SLC25A42: variants seen among roughly 807,000 people sequenced by gnomAD.
SLC25A42 encodes mitochondrial coenzyme A transporter SLC25A42.
A neutral mutation model predicts 34.7 loss-of-function variants in SLC25A42; 19 were observed. That is an observed-to-expected ratio of 0.55 (90% CI 0.38 to 0.80). The LOEUF (loss-of-function observed/expected upper bound fraction) is 0.80, where lower values mean the gene tolerates loss of function less well. SLC25A42 is among the 30% of genes least tolerant of loss of function. The pLI is 0.00. For missense variants in SLC25A42, 364 were observed against 441.3 expected, an observed-to-expected ratio of 0.82 and a Z score of 1.57; for synonymous variants, 205 against 191.2, an observed-to-expected ratio of 1.07 and a Z score of -0.59.
rs1205766270 is a variant in SLC25A42 at position 19,098,625 on chromosome 19, G to A, written c.81+2420G>A. Among the ~76,000 whole-genome samples, 5 of 152,010 alleles carry A rather than the reference G, an allele frequency of 3.3e-5. No individual in the cohort carries two copies. In the South Asian group the frequency reaches 6.2e-4, roughly 19 times the overall value. ...AACAACACAGAGTTGGCTTTGTAACGTTAAGAGCCTTGGCTGGGCCCGCTG... is the reference window on the plus strand; with the variant it reads ...AACAACACAGAGTTGGCTTTGTAACATTAAGAGCCTTGGCTGGGCCCGCTG... On this transcript the variant is annotated intron_variant, in intron 2 of 7. Coordinates refer to ENST00000318596, the MANE Select transcript of SLC25A42 (RefSeq NM_178526.5).
chr19:19,092,837 A>G (rs1381400671), intron 1 of SLC25A42, among the ~76,000 whole-genome samples: 1 of 152,170 alleles, frequency 6.6e-6, no homozygotes, highest in Non-Finnish European at 1.5e-5. Context: ...GTGCAAGGAC[A>G]GCCCCCAGGG....
rs144556718 is a variant in SLC25A42, at chr19:19,084,702, A to C, written c.-34-11389A>C. The stretch of plus-strand genomic sequence containing the variant: ...TTGACAGAGGCCCCTGGCTGAACCC[A>C]CCTTACCCAAGAGGTCCAGGTGCAG... On this transcript the variant is annotated intron_variant, in intron 1 of 7. Transcript: ENST00000318596. Among the ~76,000 whole-genome samples, 53 of 152,086 alleles carry C rather than the reference A, an allele frequency of 3.5e-4. No homozygotes were observed. In the East Asian group the frequency reaches 0.01, roughly 29 times the overall value.
chr19:19,067,445 G>A (rs146368665), intron 1 of SLC25A42, among the ~76,000 whole-genome samples: 14 of 152,202 alleles, frequency 9.2e-5, no homozygotes, highest in African/African-American at 2.6e-4. Context: ...TTAGCCGGGC[G>A]TGGTGGCGTG....
intron 1 of SLC25A42, among the ~76,000 whole-genome samples, chr19:19,090,504 A>G (rs1454217166): frequency 6.6e-6 from 1 of 152,114 alleles, no homozygotes; most frequent in Non-Finnish European, 1.5e-5. Context: ...TGAAGATTAG[A>G]GTCATGGGCA....
intron 1 of SLC25A42, among the ~76,000 whole-genome samples, chr19:19,064,920 C>T (rs1247743276): frequency 6.6e-6 from 1 of 152,156 alleles, no homozygotes; most frequent in African/African-American, 2.4e-5. Flanking sequence ...AAAGTGATTT[C>T]CGGACCTTAG....
At chr19:19,079,479 G>A (rs7250131) in intron 1 of SLC25A42, among the ~76,000 whole-genome samples, 1 of 151,984 alleles carries the variant, frequency 6.6e-6, no homozygotes, top group Non-Finnish European at 1.5e-5. Flanking sequence ...GGATTTACCT[G>A]TTCTGGGCAT....
intron 6 of SLC25A42, 86 bp downstream of exon 6, chr19:19,106,471 GC>G: frequency 1.8e-6 from 2 of 1,142,644 alleles, no homozygotes; most frequent in Non-Finnish European, 1.2e-6. Flanking sequence ...TCTCTATCGG[GC>G]CCCAGGGGTT....
Position 19,110,190 on chromosome 19 carries a change from TACA to T in SLC25A42, c.650-375_650-373del, listed in dbSNP as rs1392958205. ...GGAGAAACCCTGTCTCTACTAAAAA[TACA>T]ACATTAGCCAGGCGTGGTGGTGCAT... On this transcript the variant is annotated intron_variant, in intron 7 of 7. Transcript: ENST00000318596. Among the ~76,000 whole-genome samples, 9 of 152,132 alleles carry T rather than the reference TACA, an allele frequency of 5.9e-5. No individual in the cohort carries two copies. In the East Asian group the frequency reaches 9.7e-4, roughly 16 times the overall value.
intron 1 of SLC25A42, among the ~76,000 whole-genome samples, chr19:19,093,928 A>G (rs1218341602): frequency 6.6e-6 from 1 of 152,212 alleles, no homozygotes; most frequent in African/African-American, 2.4e-5. Context: ...TGCCCGCCTC[A>G]GCCTCCCAAA....
At position 19,110,618 on chromosome 19, in the gene SLC25A42, C is replaced by T; in HGVS notation, c.699C>T (p.Gly233=). The T allele has an allele frequency of 1.3e-6, 2 of 1,508,718 alleles. No individual in the cohort carries two copies. Among genetic ancestry groups the T allele is most frequent in the South Asian group, 1.3e-5 (1 of 78,838 alleles). 93.5% of individuals were successfully genotyped at this position (1,508,718 alleles called of 1,614,324 possible). The change falls in exon 8 of 8, where the codon GGC becomes GGT. Residue 233 remains glycine, a synonymous_variant. Coordinates refer to ENST00000318596, the MANE Select transcript of SLC25A42 (RefSeq NM_178526.5). The part of the protein sequence containing the change: ...QPYPFERMIF[G]ACAGLIGQSA... ...ACCCCTTCGAGCGCATGATCTTCGGCGCCTGCGCTGGCCTCATCGGGCAGT... is the reference window on the plus strand; with the variant it reads ...ACCCCTTCGAGCGCATGATCTTCGGTGCCTGCGCTGGCCTCATCGGGCAGT...
intron 1 of SLC25A42, among the ~76,000 whole-genome samples, chr19:19,093,221 GC>G (rs1357707412): frequency 6.6e-6 from 1 of 152,000 alleles, no homozygotes; most frequent in Non-Finnish European, 1.5e-5. Flanking sequence ...TCACTATGTT[GC>G]CCAGGCTTGT....
At chr19:19,110,436 C>A (rs953006757) in intron 7 of SLC25A42, 133 bp from the exon 8 acceptor site, 2 of 636,338 alleles carry the variant, frequency 3.1e-6, no homozygotes, top group Admixed American at 8.5e-5. Context: ...TGAGTGCGAA[C>A]ACACGTGGGG....
intron 3 of SLC25A42, among the ~76,000 whole-genome samples, chr19:19,104,478 A>G (rs1199419355): frequency 6.6e-6 from 1 of 152,222 alleles, no homozygotes; most frequent in Non-Finnish European, 1.5e-5. Context: ...AGAGCCAGAA[A>G]GGGAACCTGG....
intron 1 of SLC25A42, among the ~76,000 whole-genome samples, chr19:19,077,002 A>G (rs983212436): frequency 6.6e-6 from 1 of 152,022 alleles, no homozygotes; most frequent in Non-Finnish European, 1.5e-5. Flanking sequence ...TGGGCAACAT[A>G]GTAAGACCCC....
chr19:19,078,556 G>A (rs917901010), intron 1 of SLC25A42, among the ~76,000 whole-genome samples: 3 of 152,156 alleles, frequency 2.0e-5, no homozygotes, highest in Non-Finnish European at 4.4e-5. Context: ...GTGTGCCTCC[G>A]CAGAGCATGT....
Position 19,110,566 on chromosome 19 carries a change from C to T in SLC25A42, c.650-3C>T. On this transcript the variant is annotated splice_polypyrimidine_tract_variant and splice_region_variant and intron_variant, in intron 7 of 7. Transcript: ENST00000318596. ...CACGGCCCTCCCGCCCCTCGCCCTG[C>T]AGAGTACAGCGGCCGCCGGCAGCCC... The T allele has an allele frequency of 7.1e-7, 1 of 1,412,890 alleles. No individual in the cohort carries two copies. Among genetic ancestry groups the T allele is most frequent in the South Asian group, 1.5e-5 (1 of 65,586 alleles). The allele number at this position is 1,412,890 out of a possible 1,614,324, so 87.5% of individuals were successfully genotyped here.
intron 1 of SLC25A42, among the ~76,000 whole-genome samples, chr19:19,090,647 A>AAACAAC (rs139435874): frequency 3.6e-4 from 54 of 151,850 alleles, no homozygotes; most frequent in African/African-American, 9.7e-4. Context: ...CCCCGTCTCA[A>AAACAAC]AACAACAACA....
chr19:19,084,598 G>A (rs897998390), intron 1 of SLC25A42, among the ~76,000 whole-genome samples: 4 of 152,194 alleles, frequency 2.6e-5, no homozygotes, highest in Admixed American at 6.5e-5. Context: ...CCCTTTCCGG[G>A]AGGTGGAGCT....
intron 7 of SLC25A42, 46 bp downstream of exon 7, chr19:19,108,091 C>T (rs45585432): frequency 0.015 from 23,499 of 1,521,510 alleles, 267 homozygotes; most frequent in Non-Finnish European, 0.017. Context: ...AGGAAGCATT[C>T]CCTGGGGACA....
Sources: gnomAD v4.1 joint callset for allele counts (sites outside exome capture counted in the v4.1 genomes callset) on GRCh38, gnomAD v4.1.1 for gene constraint, MANE v1.5 for transcripts, NCBI Gene and HGNC (gene_info 2026-07-23, HGNC 2026-07-21) for gene names.